PPHLN1: variants seen among roughly 807,000 people sequenced by gnomAD.
PPHLN1 encodes periphilin-1.
A neutral mutation model predicts 51.3 loss-of-function variants in PPHLN1; 29 were observed. That is an observed-to-expected ratio of 0.57 (90% CI 0.42 to 0.77). The LOEUF is 0.77. Among genes scored for constraint, PPHLN1 ranks in the 30% least tolerant of loss-of-function variants. PPHLN1 has a pLI of 0.00. For missense variants in PPHLN1, 436 were observed against 438.4 expected (o/e 0.99, Z 0.05); for synonymous variants, 147 against 147.8 (o/e 0.99, Z 0.04).
intron 9 of PPHLN1, among the ~76,000 whole-genome samples, chr12:42,418,579 C>T (rs1403607019): frequency 6.6e-6 from 1 of 152,076 alleles, no homozygotes; most frequent in Non-Finnish European, 1.5e-5. Flanking sequence ...GTGGCCTCCT[C>T]TCTACTGGGC....
chr12:42,446,161 C>T, downstream of PPHLN1: 1 of 1,604,608 alleles, frequency 6.2e-7, no homozygotes, highest in Non-Finnish European at 8.5e-7. Flanking sequence ...GAGCCCCAGA[C>T]ATTACCTGGG....
intron 4 of PPHLN1, among the ~76,000 whole-genome samples, chr12:42,370,518 T>C (rs1465923007): frequency 6.6e-6 from 1 of 152,226 alleles, no homozygotes; most frequent in African/African-American, 2.4e-5. Context: ...TCTTCTCTTC[T>C]ACTTAGTCCC....
At chr12:42,339,111 A>G (rs963675886) in intron 2 of PPHLN1, among the ~76,000 whole-genome samples, 3 of 152,262 alleles carry the variant, frequency 2.0e-5, no homozygotes, top group Non-Finnish European at 4.4e-5. Context: ...GACTAGATGT[A>G]TTCAGCTGTC....
At chr12:42,446,696 G>C, downstream of PPHLN1, 1 of 1,543,542 alleles carries the variant, frequency 6.5e-7, no homozygotes, top group Non-Finnish European at 8.8e-7. Context: ...AAACAGAAAA[G>C]GGGTGATGTA....
intron 9 of PPHLN1, among the ~76,000 whole-genome samples, chr12:42,414,218 A>T (rs947767183): frequency 2.0e-5 from 3 of 151,596 alleles, no homozygotes; most frequent in Non-Finnish European, 4.4e-5. Context: ...TATTTTTAGT[A>T]GAGAGGGGGT....
intron 9 of PPHLN1, among the ~76,000 whole-genome samples, chr12:42,414,916 T>C (rs1419764266): frequency 6.6e-6 from 1 of 152,248 alleles, no homozygotes; most frequent in East Asian, 1.9e-4. Flanking sequence ...TTCTCTCTTA[T>C]GTATTTAAAC....
Position 42,394,533 on chromosome 12 carries a change from G to A in PPHLN1, c.768+844G>A, listed in dbSNP as rs574229218. Among the ~76,000 whole-genome samples the A allele has an allele frequency of 2.0e-5, 3 of 152,202 alleles. No individual in the cohort carries two copies. The East Asian group carries it at 5.8e-4, about 29-fold the overall frequency. ...TAACTACATCTTTATACAGTGAAAA[G>A]ATCCTTTCCAAAGTAACTAATGTAC... On this transcript the variant is annotated intron_variant, in intron 8 of 9. Transcript: ENST00000358314.
chr12:42,326,855 C>G (rs556887553), intron 1 of PPHLN1, among the ~76,000 whole-genome samples: 39 of 152,168 alleles, frequency 2.6e-4, no homozygotes, highest in Non-Finnish European at 3.7e-4. Context: ...CACATACAGA[C>G]CAGGCCTCTA....
intron 1 of PPHLN1, among the ~76,000 whole-genome samples, chr12:42,327,298 T>G (rs762037551): frequency 2.0e-5 from 3 of 152,208 alleles, no homozygotes; most frequent in Non-Finnish European, 4.4e-5. Flanking sequence ...TTCAACTTCT[T>G]TAGTGAAATT....
At position 42,355,220 on chromosome 12, in the gene PPHLN1, CA is replaced by C; in HGVS notation, c.298del (p.Arg100GlyfsTer3). On this transcript the variant is annotated frameshift_variant and splice_region_variant, in exon 4 of 10. Coordinates refer to ENST00000358314, the MANE Select transcript of PPHLN1 (RefSeq NM_201439.2). LOFTEE classifies it high-confidence loss of function. ...ATTCTGCAAGCAGGCAACCTGAATA[CA>C]GGTAAAAGGATAAAAATAATAGCAT... ...DHSASRQPEY[R>X]DMRDGFRRKS... 1 of 1,612,016 alleles carries C rather than the reference CA, an allele frequency of 6.2e-7. No individual in the cohort carries two copies. The highest frequency in any genetic ancestry group is 8.5e-7 in the Non-Finnish European group (1 of 1,178,362).
intron 9 of PPHLN1, among the ~76,000 whole-genome samples, chr12:42,439,836 G>A (rs894351051): frequency 2.6e-5 from 4 of 152,032 alleles, no homozygotes; most frequent in Admixed American, 6.6e-5. Context: ...TTTTGAAATT[G>A]GATAGTGTCA....
intron 4 of PPHLN1, among the ~76,000 whole-genome samples, chr12:42,360,446 T>C (rs187619720): frequency 7.1e-4 from 101 of 141,820 alleles, no homozygotes; most frequent in African/African-American, 2.5e-3. Context: ...GTTCCTGAAG[T>C]GATGCTGAAT....
intron 8 of PPHLN1, among the ~76,000 whole-genome samples, chr12:42,396,609 T>G (rs1177399430): frequency 2.7e-5 from 2 of 74,350 alleles, no homozygotes; most frequent in African/African-American, 9.5e-5. Flanking sequence ...TAAGGTCTTG[T>G]CACTACAAAA....
chr12:42,392,080 G>A (rs2077769723), intron 7 of PPHLN1, among the ~76,000 whole-genome samples: 1 of 152,122 alleles, frequency 6.6e-6, no homozygotes, highest in Non-Finnish European at 1.5e-5. Context: ...ACCCGGTTAT[G>A]GTGTGCGCAT....
At chr12:42,329,258 C>G (rs943192406) in intron 1 of PPHLN1, among the ~76,000 whole-genome samples, 2 of 151,878 alleles carry the variant, frequency 1.3e-5, no homozygotes, top group African/African-American at 4.8e-5. Flanking sequence ...CCCACCACCG[C>G]CCCCGGCTAA....
chr12:42,397,285 A>G (rs906885821), intron 8 of PPHLN1, among the ~76,000 whole-genome samples: 3 of 152,160 alleles, frequency 2.0e-5, no homozygotes, highest in Admixed American at 2.0e-4. Context: ...TCTACCTACT[A>G]TAACATTTTA....
Position 42,331,368 on chromosome 12 carries a change from C to G in PPHLN1, c.-20-4515C>G, listed in dbSNP as rs1184464672. Among the ~76,000 whole-genome samples the G allele has an allele frequency of 2.0e-5, 3 of 152,150 alleles. No individual in the cohort carries two copies. In the South Asian group the frequency reaches 6.2e-4, roughly 32 times the overall value. ...GTTTGGTTAAAATGAAAAAACAGAT[C>G]CATTATCTTGACTTTGGATTCAGAG... On this transcript the variant is annotated intron_variant, in intron 1 of 9. Transcript: ENST00000358314.
intron 9 of PPHLN1, among the ~76,000 whole-genome samples, chr12:42,411,995 AG>A (rs377527800): frequency 1.3e-5 from 2 of 151,156 alleles, no homozygotes; most frequent in African/African-American, 4.9e-5. Flanking sequence ...TCACGAGGTC[AG>A]GAGTTCGAGA....
At chr12:42,406,357 G>A (rs2079307991) in intron 9 of PPHLN1, among the ~76,000 whole-genome samples, 1 of 152,218 alleles carries the variant, frequency 6.6e-6, no homozygotes, top group African/African-American at 2.4e-5. Flanking sequence ...TGGGATTACA[G>A]GCGTGAGCCA....
Sources: gnomAD v4.1 joint callset for allele counts (sites outside exome capture counted in the v4.1 genomes callset) on GRCh38, gnomAD v4.1.1 for gene constraint, MANE v1.5 for transcripts, NCBI Gene and HGNC (gene_info 2026-07-23, HGNC 2026-07-21) for gene names.